Variants in CTNNB1 observed in about 807,000 individuals in gnomAD.
CTNNB1 encodes catenin beta 1.
CTNNB1 carries 6 observed loss-of-function variants against 82.5 expected under a neutral mutation model. That is an observed-to-expected ratio of 0.07 (90% CI 0.04 to 0.14). CTNNB1 has a LOEUF of 0.14. Ranked by LOEUF, CTNNB1 falls within the 10% of genes least tolerant of loss-of-function variation. CTNNB1 has a pLI of 1.00. For missense variants in CTNNB1, 529 were observed against 980.4 expected (o/e 0.54, Z 6.15); for synonymous variants, 312 against 329.7 (o/e 0.95, Z 0.58).
intron 7 of CTNNB1, among the ~76,000 whole-genome samples, chr3:41,229,022 C>T (rs190967875): frequency 5.3e-4 from 81 of 151,884 alleles, no homozygotes; most frequent in Non-Finnish European, 7.2e-4. Flanking sequence ...GTTAGGTGTG[C>T]GGCCTAACTT....
chr3:41,233,810 T>C lies in CTNNB1; in HGVS notation c.1467T>C (p.Tyr489=), dbSNP rs1164950558. 3 of 1,613,352 alleles carry C rather than the reference T, an allele frequency of 1.9e-6. No homozygotes were observed. The highest frequency in any genetic ancestry group is 2.2e-5 in the East Asian group (1 of 44,860). The part of the protein sequence containing the change: ...EMAQNAVRLH[Y]GLPVVVKLLH... The stretch of plus-strand genomic sequence containing the variant: ...CCCAGAATGCAGTTCGCCTTCACTA[T>C]GGACTACCAGTTGTGGTTAAGCTCT... Residue 489 remains tyrosine (Y), a synonymous_variant, in exon 9 of 15, where the codon TAT becomes TAC. Transcript: ENST00000349496.
At chr3:41,224,376 A>G in intron 2 of CTNNB1, 150 bp from the exon 3 acceptor site, 1 of 852,294 alleles carries the variant, frequency 1.2e-6, no homozygotes, top group Non-Finnish European at 1.9e-6. Context: ...CACTGAGCTA[A>G]CCCTGGCTAT....
intron 9 of CTNNB1, 87 bp downstream of exon 9, chr3:41,233,954 T>A: frequency 6.8e-7 from 1 of 1,470,088 alleles, no homozygotes; most frequent in Non-Finnish European, 9.5e-7. Context: ...AGCATAGTGA[T>A]CAATAAGTAG....
chr3:41,202,215 C>G (rs2077547779), intron 1 of CTNNB1, among the ~76,000 whole-genome samples: 1 of 152,166 alleles, frequency 6.6e-6, no homozygotes, highest in Non-Finnish European at 1.5e-5. Flanking sequence ...TGTCCTGTTA[C>G]AAGATTATTT....
At chr3:41,219,573 C>G (rs1451904260) in intron 1 of CTNNB1, among the ~76,000 whole-genome samples, 1 of 152,110 alleles carries the variant, frequency 6.6e-6, no homozygotes, top group Non-Finnish European at 1.5e-5. Context: ...ATTTAAAACC[C>G]TGTAGGATGG....
intron 1 of CTNNB1, chr3:41,200,111 AGTTGGG>A (rs1292670479): frequency 6.6e-6 from 1 of 151,932 alleles, no homozygotes; most frequent in Non-Finnish European, 1.5e-5. Flanking sequence ...TCTTGCGGCG[AGTTGGG>A]GTTCGGGCGC....
intron 6 of CTNNB1, 99 bp from the exon 7 acceptor site, chr3:41,227,109 T>C: frequency 9.2e-7 from 1 of 1,089,882 alleles, no homozygotes; most frequent in Non-Finnish European, 1.4e-6. Context: ...GCAAGCTGGC[T>C]GAAATTCTTG....
intron 1 of CTNNB1, among the ~76,000 whole-genome samples, chr3:41,216,706 G>A (rs2077923792): frequency 6.6e-6 from 1 of 152,062 alleles, no homozygotes; most frequent in African/African-American, 2.4e-5. Flanking sequence ...AACCTATATA[G>A]GGTTAAATTA....
At chr3:41,233,507 C>T (rs1272383586) in intron 8 of CTNNB1, 22 bp from the exon 9 acceptor site, 1 of 1,613,150 alleles carries the variant, frequency 6.2e-7, no homozygotes, top group East Asian at 2.2e-5. Context: ...CTTGTACTGA[C>T]CATCTGTTTT....
intron 7 of CTNNB1, among the ~76,000 whole-genome samples, chr3:41,229,725 C>A (rs866984366): frequency 6.6e-6 from 1 of 152,040 alleles, no homozygotes; most frequent in African/African-American, 2.4e-5. Context: ...ATTCTGTATT[C>A]TCAGTGAATA....
intron 8 of CTNNB1, 26 bp from the exon 9 acceptor site, chr3:41,233,503 C>T (rs1450628441): frequency 6.2e-7 from 1 of 1,613,102 alleles, no homozygotes; most frequent in Non-Finnish European, 8.5e-7. Flanking sequence ...TGTGCTTGTA[C>T]TGACCATCTG....
chr3:41,210,689 A>G (rs893744289), intron 1 of CTNNB1, among the ~76,000 whole-genome samples: 15 of 152,240 alleles, frequency 9.9e-5, no homozygotes, highest in Middle Eastern at 6.8e-3. Flanking sequence ...TTAAGAAGTA[A>G]CAGAAGGAGT....
intron 1 of CTNNB1, among the ~76,000 whole-genome samples, chr3:41,220,001 C>G (rs970800011): frequency 6.6e-6 from 1 of 152,030 alleles, no homozygotes; most frequent in African/African-American, 2.4e-5. Context: ...AAATACATAG[C>G]AGTGAGTTTA....
At chr3:41,222,671 C>A (rs970126092) in intron 1 of CTNNB1, among the ~76,000 whole-genome samples, 1 of 152,110 alleles carries the variant, frequency 6.6e-6, no homozygotes, top group East Asian at 1.9e-4. Flanking sequence ...AATGTTTTGC[C>A]TTTGCATCAA....
chr3:41,215,382 C>CAAAAAA (rs35166040), intron 1 of CTNNB1, among the ~76,000 whole-genome samples: 3 of 48,846 alleles, frequency 6.1e-5, no homozygotes, highest in African/African-American at 1.0e-4. Flanking sequence ...AACACCATCT[C>CAAAAAA]AAAAAAAAAA....
intron 1 of CTNNB1, among the ~76,000 whole-genome samples, chr3:41,201,409 G>A (rs2125581145): frequency 6.6e-6 from 1 of 152,194 alleles, no homozygotes; most frequent in Non-Finnish European, 1.5e-5. Context: ...ACAAAATTTG[G>A]TTAATTTGCG....
At chr3:41,229,428 GGTTA>G (rs1348524147) in intron 7 of CTNNB1, among the ~76,000 whole-genome samples, 1 of 152,018 alleles carries the variant, frequency 6.6e-6, no homozygotes, top group Non-Finnish European at 1.5e-5. Flanking sequence ...TCACCTCCCT[GGTTA>G]GTTGTATTCC....
chr3:41,216,975 T>C (rs1333659429), intron 1 of CTNNB1, among the ~76,000 whole-genome samples: 2 of 152,212 alleles, frequency 1.3e-5, no homozygotes, highest in Non-Finnish European at 2.9e-5. Flanking sequence ...TTTTCCCCTT[T>C]ATAGCTGCTG....
chr3:41,238,344 C>T (rs568835762), intron 14 of CTNNB1: 119 of 437,080 alleles, frequency 2.7e-4, no homozygotes, highest in African/African-American at 2.3e-3. Context: ...TACAATTTAC[C>T]TGGCTTTTTA....
Sources: gnomAD v4.1 joint callset for allele counts (sites outside exome capture counted in the v4.1 genomes callset) on GRCh38, gnomAD v4.1.1 for gene constraint, MANE v1.5 for transcripts, NCBI Gene and HGNC (gene_info 2026-07-23, HGNC 2026-07-21) for gene names.